The following MINK1 variants were observed in gnomAD, a reference collection of about 807,000 sequenced individuals.
The protein encoded by MINK1 is misshapen like kinase 1, also known as misshapen-like kinase 1.
A neutral mutation model predicts 178.4 loss-of-function variants in MINK1; 46 were observed. The observed-to-expected ratio is 0.26, with a 90% CI of 0.20 to 0.33. The LOEUF (loss-of-function observed/expected upper bound fraction) is 0.33, where lower values mean the gene tolerates loss of function less well. Ranked by LOEUF, MINK1 falls within the 10% of genes least tolerant of loss-of-function variation. The pLI, the probability that MINK1 is intolerant of heterozygous loss-of-function variation, is 1.00. For missense variants in MINK1, 1,366 were observed against 1,814.9 expected (o/e 0.75, Z 4.49); for synonymous variants, 797 against 709.7 (o/e 1.12, Z -1.96).
chr17:4,860,433 A>G (rs1913983409), intron 1 of MINK1, among the ~76,000 whole-genome samples: 1 of 152,210 alleles, frequency 6.6e-6, no homozygotes. Context: ...CCAACCGGAC[A>G]GCGTTCTGGA....
At chr17:4,897,130 C>A in intron 31 of MINK1, 74 bp from the exon 32 acceptor site, 1 of 1,196,422 alleles carries the variant, frequency 8.4e-7, no homozygotes, top group Non-Finnish European at 1.2e-6. Flanking sequence ...CCCCTTCTTC[C>A]CTTCTTTCCC....
chr17:4,896,558 C>T lies in MINK1; in HGVS notation c.3745C>T (p.Leu1249=). The T allele has an allele frequency of 6.2e-7, 1 of 1,613,960 alleles. No individual in the cohort carries two copies. The highest frequency in any genetic ancestry group is 8.5e-7 in the Non-Finnish European group (1 of 1,179,870). The part of the protein sequence containing the change: ...TYGRIIKDVV[L]QWGEMPTSVA... The stretch of plus-strand genomic sequence containing the variant: ...CGGGCGCATCATTAAGGATGTGGTG[C>T]TGCAGTGGGGGGAGATGCCTACTTC... Residue 1249 remains leucine (L), a synonymous_variant, in exon 30 of 32, where the codon CTG becomes TTG. Transcript: ENST00000355280. This position sits in a 1 kb window ranked among gnomAD's most constrained non-coding sequence, Gnocchi z 4.6.
At chr17:4,855,504 C>T (rs189952412) in intron 1 of MINK1, among the ~76,000 whole-genome samples, 8,885 of 118,966 alleles carry the variant, frequency 0.075, 386 homozygotes, top group Middle Eastern at 0.12. Context: ...AAAAAAAGGC[C>T]GGGCACAGTG....
At chr17:4,865,272 AAC>A (rs112302548) in intron 1 of MINK1, among the ~76,000 whole-genome samples, 20,187 of 151,712 alleles carry the variant, frequency 0.13, 1,646 homozygotes, top group African/African-American at 0.23. Flanking sequence ...CTCTACTAAA[AAC>A]ACACAAAAAA....
intron 1 of MINK1, among the ~76,000 whole-genome samples, chr17:4,835,037 G>C (rs1323689890): frequency 2.0e-5 from 3 of 152,174 alleles, no homozygotes; most frequent in African/African-American, 7.2e-5. Context: ...TGGAGATAAC[G>C]TGATAAATTT....
At chr17:4,839,177 T>G (rs1027132717) in intron 1 of MINK1, among the ~76,000 whole-genome samples, 2 of 152,182 alleles carry the variant, frequency 1.3e-5, no homozygotes, top group Non-Finnish European at 2.9e-5. Flanking sequence ...TCTCCTGACC[T>G]TGTAATCTGC....
chr17:4,857,867 C>A (rs930933805), intron 1 of MINK1, among the ~76,000 whole-genome samples: 2 of 152,094 alleles, frequency 1.3e-5, no homozygotes, highest in African/African-American at 4.8e-5. Flanking sequence ...TTGAAGGGTG[C>A]CTAAGACACC....
At position 4,894,878 on chromosome 17, in the gene MINK1, G is replaced by C. The variant is rs1237134763; in HGVS notation, c.2918-197G>C. The C allele has an allele frequency of 1.5e-6, 1 of 676,978 alleles. No individual in the cohort carries two copies. Among genetic ancestry groups the C allele is most frequent in the Non-Finnish European group, 2.5e-6 (1 of 404,526 alleles). 41.9% of individuals were successfully genotyped at this position (676,978 alleles called of 1,614,324 possible). A position where few individuals can be genotyped will look rare whatever the true frequency, so the allele number is the denominator to read the frequency against. On this transcript the variant is annotated intron_variant, in intron 24 of 31. Coordinates refer to ENST00000355280, the MANE Select transcript of MINK1 (RefSeq NM_153827.5). The surrounding 1 kb of genome is among the most constrained non-coding windows in gnomAD (Gnocchi z 4.1). ...AAAGACTCAAAGCTAACAAGTGACA[G>C]AAATGGGACTTGAGCCAGACCTTTT...
intron 31 of MINK1, 25 bp from the exon 32 acceptor site, chr17:4,897,179 T>C (rs1184739606): frequency 6.2e-7 from 1 of 1,607,294 alleles, no homozygotes; most frequent in Admixed American, 1.7e-5. Flanking sequence ...CAGCCCTTGG[T>C]GACTTCTTCT....
chr17:4,885,833 G>T lies in MINK1; in HGVS notation c.640-78G>T, dbSNP rs568635708. ...TGTGGCCCAGGAAGGCTCCTGAGAG[G>T]CCAGGATGGTGGGTGAAGAGAGGTT... On this transcript the variant is annotated intron_variant, in intron 7 of 31. Coordinates refer to ENST00000355280, the MANE Select transcript of MINK1 (RefSeq NM_153827.5). The surrounding 1 kb of genome is among the most constrained non-coding windows in gnomAD (Gnocchi z 5.0). 6.9e-5 allele frequency: 107 copies of T among 1,541,842 alleles called. No homozygotes were observed. In the Middle Eastern group the frequency reaches 1.5e-3, roughly 22 times the overall value.
rs1170334893 is a variant in MINK1 at position 4,887,602 on chromosome 17, G to C, written c.1042G>C (p.Glu348Gln). Reference sequence around the variant, plus strand: ...CAGCTCCATCATGAACGTGCCTGGAGAGTCGACTCTACGCCGGGAGTTTCT... The same window carrying C: ...CAGCTCCATCATGAACGTGCCTGGACAGTCGACTCTACGCCGGGAGTTTCT... ...EPSSIMNVPG[E>Q]STLRREFLRL... The change falls in exon 12 of 32, where the codon GAG becomes CAG. Residue 348 changes from glutamate to glutamine, a missense_variant. By Grantham distance (29) the Glu-to-Gln change is conservative (BLOSUM62 2). Around this residue, in one of 14 missense-constraint regions of MINK1, gnomAD observed 56 missense variants for 64.0 expected, o/e 0.87. Transcript: ENST00000355280. The surrounding 1 kb of genome is among the most constrained non-coding windows in gnomAD (Gnocchi z 7.6). 1 of 1,553,508 alleles carries C rather than the reference G, an allele frequency of 6.4e-7. No individual in the cohort carries two copies. Among genetic ancestry groups the C allele is most frequent in the Non-Finnish European group, 8.7e-7 (1 of 1,151,152 alleles).
chr17:4,876,934 A>G (rs1255661209), intron 1 of MINK1, among the ~76,000 whole-genome samples: 1 of 152,102 alleles, frequency 6.6e-6, no homozygotes, highest in Non-Finnish European at 1.5e-5. Context: ...CTAAAAATAA[A>G]AAAAACTAGC....
chr17:4,845,010 T>G (rs1910805312), intron 1 of MINK1, among the ~76,000 whole-genome samples: 1 of 152,160 alleles, frequency 6.6e-6, no homozygotes, highest in Non-Finnish European at 1.5e-5. Flanking sequence ...AAACACTGAC[T>G]CTCTGAACCC....
intron 1 of MINK1, among the ~76,000 whole-genome samples, chr17:4,859,997 G>A (rs1327749354): frequency 1.3e-5 from 2 of 151,946 alleles, no homozygotes; most frequent in East Asian, 3.9e-4. Flanking sequence ...ATGCGGAGCG[G>A]GGTACAGAGG....
At chr17:4,855,970 A>G (rs1334723427) in intron 1 of MINK1, among the ~76,000 whole-genome samples, 1 of 151,030 alleles carries the variant, frequency 6.6e-6, no homozygotes, top group Non-Finnish European at 1.5e-5. Flanking sequence ...GCGAGACTCT[A>G]TCTCAAAAAA....
chr17:4,889,374 G>C (rs1022010865), intron 12 of MINK1, among the ~76,000 whole-genome samples: 3 of 152,108 alleles, frequency 2.0e-5, no homozygotes, highest in Admixed American at 6.5e-5. Context: ...TGTTTGGTGG[G>C]GTGTGGGGAG....
At chr17:4,835,540 C>G (rs560773135) in intron 1 of MINK1, among the ~76,000 whole-genome samples, 1 of 152,226 alleles carries the variant, frequency 6.6e-6, no homozygotes, top group East Asian at 1.9e-4. Context: ...GGCAGGAGAA[C>G]TGCTTGAACT....
chr17:4,864,438 T>C (rs1425709265), intron 1 of MINK1, among the ~76,000 whole-genome samples: 3 of 150,928 alleles, frequency 2.0e-5, no homozygotes, highest in Admixed American at 2.0e-4. Context: ...TAAAGGGCTA[T>C]GGGGGCCGGG....
chr17:4,893,920 TCTGCTGCCTTTGGCACTTCTGTG>T (rs1346775818), intron 21 of MINK1, 45 bp from the exon 22 acceptor site: 21 of 1,313,486 alleles, frequency 1.6e-5, no homozygotes, highest in Non-Finnish European at 1.9e-5. Flanking sequence ...CTGGCTGCCA[TCTGCTGCCTTTGGCACTTCTGTG>T]GCCACGGGCA....
Sources: allele counts gnomAD v4.1 joint callset (sites outside exome capture counted in the v4.1 genomes callset), GRCh38; gene constraint gnomAD v4.1.1; regional missense constraint gnomAD v4.1.1; non-coding constraint Gnocchi (gnomAD v3.1); transcripts MANE v1.5; gene names NCBI Gene and HGNC (gene_info 2026-07-23, HGNC 2026-07-21).